SV2C: variants seen among roughly 807,000 people sequenced by gnomAD.
SV2C encodes solute carrier family 22 member B3.
Under a neutral mutation model 79.7 loss-of-function variants are expected in SV2C, and 49 were observed. The observed-to-expected ratio is 0.61, with a 90% CI of 0.49 to 0.78. The LOEUF is 0.78. SV2C is among the 30% of genes least tolerant of loss of function. The pLI is 0.00. For missense variants in SV2C, 833 were observed against 912.9 expected (o/e 0.91, Z 1.13); for synonymous variants, 334 against 333.2 (o/e 1.00, Z -0.03).
chr5:76,235,209 G>T (rs1177078270), intron 4 of SV2C, among the ~76,000 whole-genome samples: 3 of 149,364 alleles, frequency 2.0e-5, no homozygotes, highest in Non-Finnish European at 4.4e-5. Context: ...AAGTAAAGTA[G>T]TGATGAGACA....
chr5:76,292,203 T>C (rs1384303276), intron 8 of SV2C, among the ~76,000 whole-genome samples: 1 of 152,148 alleles, frequency 6.6e-6, no homozygotes, highest in Admixed American at 6.5e-5. Context: ...CTCGGGCCTT[T>C]GCGGTGTTCC....
At chr5:76,060,077 C>T in the SV2C span, among the ~76,000 whole-genome samples, 1 of 152,126 alleles carries the variant, frequency 6.6e-6, no homozygotes, top group Non-Finnish European at 1.5e-5. Context: ...GTAAACCACG[C>T]TGTAAACAGA....
At chr5:75,932,681 T>C in the SV2C span, among the ~76,000 whole-genome samples, 1 of 152,244 alleles carries the variant, frequency 6.6e-6, no homozygotes, top group Non-Finnish European at 1.5e-5. Flanking sequence ...CTATTGTCTG[T>C]GGTTTGAGCA....
intron 2 of SV2C, among the ~76,000 whole-genome samples, chr5:76,152,077 A>G (rs1056684248): frequency 2.0e-5 from 3 of 151,896 alleles, no homozygotes; most frequent in African/African-American, 7.3e-5. Context: ...CTGGAGGCCA[A>G]GAACAAAAAG....
chr5:76,139,097 C>T (rs549496797), intron 2 of SV2C, among the ~76,000 whole-genome samples: 5 of 150,338 alleles, frequency 3.3e-5, no homozygotes, highest in Non-Finnish European at 7.4e-5. Flanking sequence ...CCAGCCTGGG[C>T]GATGGAGCGA....
At chr5:76,242,526 T>A (rs540553420) in intron 4 of SV2C, 1 of 420,306 alleles carries the variant, frequency 2.4e-6, no homozygotes, top group South Asian at 2.0e-5. Flanking sequence ...GTGATTCTTA[T>A]GTAGGTGGTT....
At chr5:76,139,167 G>A (rs977701073) in intron 2 of SV2C, among the ~76,000 whole-genome samples, 2 of 151,896 alleles carry the variant, frequency 1.3e-5, no homozygotes, top group Admixed American at 6.6e-5. Context: ...AGTAGAGGAG[G>A]AATACCAAAG....
intron 3 of SV2C, among the ~76,000 whole-genome samples, chr5:76,201,157 AG>A (rs1744429729): frequency 6.6e-6 from 1 of 152,244 alleles, no homozygotes; most frequent in East Asian, 1.9e-4. Context: ...AAGGAGGACT[AG>A]GACATCACCA....
intron 3 of SV2C, among the ~76,000 whole-genome samples, chr5:76,207,888 A>G (rs768281445): frequency 5.3e-5 from 8 of 152,262 alleles, no homozygotes; most frequent in Admixed American, 1.3e-4. Flanking sequence ...TATCCATTGT[A>G]TGAGCTCCTC....
the SV2C span, among the ~76,000 whole-genome samples, chr5:76,048,028 G>T: frequency 6.6e-6 from 1 of 152,008 alleles, no homozygotes; most frequent in Non-Finnish European, 1.5e-5. Context: ...GATAATTGAG[G>T]TAATGCACAT....
At chr5:76,197,580 G>A (rs1171004713) in intron 3 of SV2C, among the ~76,000 whole-genome samples, 1 of 152,110 alleles carries the variant, frequency 6.6e-6, no homozygotes, top group Non-Finnish European at 1.5e-5. Flanking sequence ...AGTTTTGTGG[G>A]ATCCAGCGGC....
At chr5:76,139,428 C>A (rs17651014) in intron 2 of SV2C, among the ~76,000 whole-genome samples, 5 of 152,142 alleles carry the variant, frequency 3.3e-5, no homozygotes, top group Non-Finnish European at 7.3e-5. Context: ...GCTTGCCCAT[C>A]AGAAATATGC....
At chr5:75,887,663 TATG>T in the SV2C span, among the ~76,000 whole-genome samples, 1 of 152,114 alleles carries the variant, frequency 6.6e-6, no homozygotes, top group East Asian at 1.9e-4. Context: ...AATGCACAAA[TATG>T]ATGCTCTGGA....
the SV2C span, among the ~76,000 whole-genome samples, chr5:76,004,731 A>G: frequency 6.6e-6 from 1 of 152,138 alleles, no homozygotes; most frequent in Non-Finnish European, 1.5e-5. Flanking sequence ...ATCTCTTGTT[A>G]CCTGCATGAT....
the SV2C span, among the ~76,000 whole-genome samples, chr5:75,909,170 C>A: frequency 1.3e-5 from 2 of 152,196 alleles, no homozygotes; most frequent in Non-Finnish European, 2.9e-5. Context: ...ACACTGATTT[C>A]CACGGTGCCA....
intron 4 of SV2C, among the ~76,000 whole-genome samples, chr5:76,262,743 G>C (rs1009771748): frequency 2.6e-5 from 4 of 152,214 alleles, no homozygotes; most frequent in Non-Finnish European, 4.4e-5. Flanking sequence ...GTGTGGTTTT[G>C]AGTGAGTTTC....
At chr5:75,941,375 T>A in the SV2C span, among the ~76,000 whole-genome samples, 2 of 152,216 alleles carry the variant, frequency 1.3e-5, no homozygotes, top group Admixed American at 1.3e-4. Context: ...ACTTTAAACA[T>A]CTTCTATAGC....
chr5:75,931,459 T>C, the SV2C span, among the ~76,000 whole-genome samples: 1 of 152,250 alleles, frequency 6.6e-6, no homozygotes, highest in African/African-American at 2.4e-5. Context: ...AAATGCTTTG[T>C]AACTGCGTGT....
chr5:76,331,508 A>C lies in SV2C; in HGVS notation c.*5961A>C, dbSNP rs1228724772. 1 of 152,196 alleles carries C rather than the reference A, an allele frequency of 6.6e-6. No homozygotes were observed. The highest frequency in any genetic ancestry group is 1.5e-5 in the Non-Finnish European group (1 of 68,078). 9.4% of individuals were successfully genotyped at this position (152,196 alleles called of 1,614,324 possible). On this transcript the variant is annotated 3_prime_UTR_variant, in exon 13 of 13. Coordinates refer to ENST00000502798, the MANE Select transcript of SV2C (RefSeq NM_014979.4). Reference sequence around the variant, plus strand: ...GTTGTTGCAAGTGTCTTGAAGTTGCAAAGGATGTTTGGGGTTCTAGGGCCT... The same window carrying C: ...GTTGTTGCAAGTGTCTTGAAGTTGCCAAGGATGTTTGGGGTTCTAGGGCCT...
Sources: gnomAD v4.1 joint callset for allele counts (sites outside exome capture counted in the v4.1 genomes callset) on GRCh38, gnomAD v4.1.1 for gene constraint, MANE v1.5 for transcripts, NCBI Gene and HGNC (gene_info 2026-07-23, HGNC 2026-07-21) for gene names.